SNTG2: variants seen among roughly 807,000 people sequenced by gnomAD.
The protein encoded by SNTG2 is gamma-2-syntrophin.
Under a neutral mutation model 70.9 loss-of-function variants are expected in SNTG2, and 74 were observed. That is an observed-to-expected ratio of 1.04 (90% CI 0.86 to 1.27). The LOEUF (loss-of-function observed/expected upper bound fraction) is 1.27. SNTG2 is among the 50% of genes most tolerant of loss of function. The probability of loss-of-function intolerance (pLI) is 0.00; values close to 1 mark genes in which losing one functional copy is unlikely to be tolerated. For synonymous variants in SNTG2, 278 were observed against 273.8 expected, an observed-to-expected ratio of 1.02 and a Z score of -0.15; for missense variants, 717 against 690.7, an observed-to-expected ratio of 1.04 and a Z score of -0.43.
chr2:1,217,328 T>TGG (rs1308122485), intron 9 of SNTG2, among the ~76,000 whole-genome samples: 1 of 152,246 alleles, frequency 6.6e-6, no homozygotes, highest in Non-Finnish European at 1.5e-5. Flanking sequence ...AGTGGTTCTT[T>TGG]GGTAAAATGG....
chr2:1,165,518 T>C, intron 6 of SNTG2, 30 bp from the exon 7 acceptor site: 2 of 1,587,310 alleles, frequency 1.3e-6, no homozygotes, highest in East Asian at 2.2e-5. Flanking sequence ...TTTGTGGTGG[T>C]AAAAGTAGCT....
At chr2:1,043,777 T>C (rs1351471445) in intron 1 of SNTG2, among the ~76,000 whole-genome samples, 1 of 152,240 alleles carries the variant, frequency 6.6e-6, no homozygotes, top group East Asian at 1.9e-4. Context: ...TCTGTGTGTC[T>C]GTTTTTGTAA....
In SNTG2 at chr2:1,049,797, C is replaced by T. The variant is rs187870224; in HGVS notation, c.73-33721C>T. On this transcript the variant is annotated intron_variant, in intron 1 of 16. Coordinates refer to ENST00000308624, the MANE Select transcript of SNTG2 (RefSeq NM_018968.4). ...AGTTCCTGTTGCTCTACATCTTCAC[C>T]GGCATTTGGTATTGTCAGTGTTTTG... Among the ~76,000 whole-genome samples, 31 of 152,306 alleles carry T rather than the reference C, an allele frequency of 2.0e-4. No individual in the cohort carries two copies. The East Asian group carries it at 3.5e-3, about 17-fold the overall frequency.
chr2:974,635 A>G (rs906340564), intron 1 of SNTG2, among the ~76,000 whole-genome samples: 2 of 152,212 alleles, frequency 1.3e-5, no homozygotes, highest in Admixed American at 1.3e-4. Flanking sequence ...GTGTCTTATC[A>G]GCTGAAGTTT....
intron 8 of SNTG2, 119 bp from the exon 9 acceptor site, chr2:1,208,984 T>C: frequency 8.5e-7 from 1 of 1,177,798 alleles, no homozygotes. Flanking sequence ...CTCACTTGCT[T>C]TTTTATCAGT....
intron 16 of SNTG2, among the ~76,000 whole-genome samples, chr2:1,348,318 C>T (rs1363929560): frequency 1.3e-5 from 2 of 152,234 alleles, no homozygotes; most frequent in Non-Finnish European, 2.9e-5. Context: ...TGGTTCAGGC[C>T]ATGATAGGAA....
At chr2:1,324,183 G>C (rs775665704) in intron 16 of SNTG2, among the ~76,000 whole-genome samples, 1 of 152,170 alleles carries the variant, frequency 6.6e-6, no homozygotes, top group Admixed American at 6.5e-5. Context: ...GTCACATGGC[G>C]GAGACTCCCC....
chr2:1,279,116 C>T (rs1289706454), intron 14 of SNTG2, among the ~76,000 whole-genome samples: 3 of 146,774 alleles, frequency 2.0e-5, no homozygotes, highest in South Asian at 2.2e-4. Flanking sequence ...TGTCAGCGCG[C>T]GAATCACCCG....
chr2:1,153,123 TC>T (rs1669629586), intron 6 of SNTG2, among the ~76,000 whole-genome samples: 1 of 120,672 alleles, frequency 8.3e-6, no homozygotes, highest in Non-Finnish European at 1.6e-5. Context: ...GAACTCCATC[TC>T]AAAAAAAAAA....
At chr2:1,157,638 T>A (rs1296142168) in intron 6 of SNTG2, among the ~76,000 whole-genome samples, 1 of 152,256 alleles carries the variant, frequency 6.6e-6, no homozygotes, top group Non-Finnish European at 1.5e-5. Context: ...GGCTAAGGTC[T>A]GTTTCTTTAT....
At chr2:980,889 T>C (rs1661075676) in intron 1 of SNTG2, among the ~76,000 whole-genome samples, 1 of 152,228 alleles carries the variant, frequency 6.6e-6, no homozygotes, top group East Asian at 1.9e-4. Flanking sequence ...TCCAGATACC[T>C]AGGACCTCGT....
chr2:1,138,403 G>A (rs1176936979), intron 6 of SNTG2, among the ~76,000 whole-genome samples: 2 of 152,170 alleles, frequency 1.3e-5, no homozygotes, highest in African/African-American at 2.4e-5. Context: ...GTCTATCCCC[G>A]AGGTACTCAT....
intron 1 of SNTG2, among the ~76,000 whole-genome samples, chr2:1,012,697 TATGGGCAGAGAG>T (rs1432855022): frequency 2.5e-5 from 3 of 117,858 alleles, no homozygotes; most frequent in Non-Finnish European, 3.9e-5. Flanking sequence ...GAAGGATTTA[TATGGGCAGAGAG>T]AAGGGTGGTC....
chr2:1,204,922 G>C (rs1250793713), intron 8 of SNTG2, among the ~76,000 whole-genome samples: 3 of 152,108 alleles, frequency 2.0e-5, no homozygotes, highest in African/African-American at 7.2e-5. Flanking sequence ...TTTGTCTTCA[G>C]ATTCCACTTT....
At position 1,066,414 on chromosome 2, in the gene SNTG2, C is replaced by A. The variant is rs148205421; in HGVS notation, c.73-17104C>A. ...GGCCCTTCCTGTTGATCAATGCTGG[C>A]TGCAGGCGTTGAGTTCTCGGTGCGT... On this transcript the variant is annotated intron_variant, in intron 1 of 16. Coordinates refer to ENST00000308624, the MANE Select transcript of SNTG2 (RefSeq NM_018968.4). Among the ~76,000 whole-genome samples the A allele has an allele frequency of 5.5e-4, 83 of 152,046 alleles. No individual in the cohort carries two copies. The East Asian group carries it at 0.015, about 28-fold the overall frequency.
chr2:1,337,479 C>G (rs1249603718), intron 16 of SNTG2, among the ~76,000 whole-genome samples: 1 of 152,138 alleles, frequency 6.6e-6, no homozygotes, highest in Admixed American at 6.5e-5. Context: ...TTGGACACTT[C>G]TATATCTTCC....
At chr2:1,161,947 G>A (rs1250157957) in intron 6 of SNTG2, among the ~76,000 whole-genome samples, 5 of 151,912 alleles carry the variant, frequency 3.3e-5, no homozygotes, top group Admixed American at 6.6e-5. Flanking sequence ...GATGGCGGGC[G>A]CCTGTAGTCC....
intron 7 of SNTG2, among the ~76,000 whole-genome samples, chr2:1,169,792 G>A (rs748451785): frequency 6.6e-6 from 1 of 152,100 alleles, no homozygotes; most frequent in Non-Finnish European, 1.5e-5. Context: ...ACACGTCCTC[G>A]GGCACATGCA....
chr2:1,357,743 G>A (rs778447951), intron 16 of SNTG2, among the ~76,000 whole-genome samples: 8 of 151,562 alleles, frequency 5.3e-5, no homozygotes, highest in Middle Eastern at 6.9e-3. Flanking sequence ...TTGACTGGTA[G>A]GTTGTATGTT....
Sources: gnomAD v4.1 joint callset for allele counts (sites outside exome capture counted in the v4.1 genomes callset) on GRCh38, gnomAD v4.1.1 for gene constraint, MANE v1.5 for transcripts, NCBI Gene and HGNC (gene_info 2026-07-23, HGNC 2026-07-21) for gene names.